UBE4B: variants seen among roughly 807,000 people sequenced by gnomAD.
UBE4B encodes the protein ubiquitination factor E4B.
UBE4B carries 27 observed loss-of-function variants against 148.1 expected under a neutral mutation model. The observed-to-expected ratio is 0.18, with a 90% CI of 0.13 to 0.25. UBE4B has a LOEUF of 0.25. Among genes scored for constraint, UBE4B ranks in the 10% least tolerant of loss-of-function variants. UBE4B has a pLI of 1.00. For missense variants in UBE4B, 1,170 were observed against 1,662.4 expected, an observed-to-expected ratio of 0.70 and a Z score of 5.15; for synonymous variants, 596 against 619.3, an observed-to-expected ratio of 0.96 and a Z score of 0.56.
At chr1:10,042,450 C>T (rs937417326) in intron 1 of UBE4B, among the ~76,000 whole-genome samples, 2 of 151,336 alleles carry the variant, frequency 1.3e-5, no homozygotes, top group African/African-American at 4.9e-5. Flanking sequence ...AGTTCGAGAC[C>T]AGCCTGACCA....
Position 10,171,191 on chromosome 1 carries a change from T to C in UBE4B, c.3387T>C (p.Cys1129=). ...AMLNFNLQQL[C]GPKCRDLKVE... Reference sequence around the variant, plus strand: ...TGAACTTTAATCTTCAGCAACTTTGTGGCCCCAAGTGCCGTGACCTGAAAG... The same window carrying C: ...TGAACTTTAATCTTCAGCAACTTTGCGGCCCCAAGTGCCGTGACCTGAAAG... The change falls in exon 25 of 28, where the codon TGT becomes TGC. Residue 1129 remains cysteine (C), a synonymous_variant. Transcript: ENST00000343090. 1 of 1,614,222 alleles carries C rather than the reference T, an allele frequency of 6.2e-7. No homozygotes were observed. The highest frequency in any genetic ancestry group is 2.2e-5 in the East Asian group (1 of 44,886).
intron 1 of UBE4B, among the ~76,000 whole-genome samples, chr1:10,054,932 T>C (rs1210472892): frequency 1.3e-5 from 2 of 151,840 alleles, no homozygotes; most frequent in Non-Finnish European, 2.9e-5. Flanking sequence ...ATTACAGGCA[T>C]GCACCACCAT....
At chr1:10,044,570 T>C (rs977640974) in intron 1 of UBE4B, among the ~76,000 whole-genome samples, 6 of 151,914 alleles carry the variant, frequency 3.9e-5, no homozygotes, top group South Asian at 2.1e-4. Context: ...CCTTCCTTCC[T>C]TCCCTCCCTC....
rs1643382159 is a variant in UBE4B, at chr1:10,033,543, A to G, written c.-128A>G. The G allele has an allele frequency of 2.5e-6, 3 of 1,193,138 alleles. No individual in the cohort carries two copies. Among genetic ancestry groups the G allele is most frequent in the Non-Finnish European group, 3.4e-6 (3 of 892,868 alleles). 73.9% of individuals were successfully genotyped at this position (1,193,138 alleles called of 1,614,324 possible). A position where few individuals can be genotyped will look rare whatever the true frequency, so the allele number is the denominator to read the frequency against. ...TTATTTTTTAACCTCTGACTATGCA[A>G]TTCTGAAACCTCCCCCATTCGGGGG... On this transcript the variant is annotated 5_prime_UTR_variant, in exon 1 of 28. Transcript: ENST00000343090.
Position 10,161,062 on chromosome 1 carries a change from G to A in UBE4B, c.3054-80G>A. On this transcript the variant is annotated intron_variant, in intron 22 of 27. Transcript: ENST00000343090. This position sits in a 1 kb window ranked among gnomAD's most constrained non-coding sequence, Gnocchi z 4.1. ...GTGAGATAGTTGCAGTCTGGGTGGA[G>A]GTGCTTGTTCCCTGGGATTTGCTGT... The A allele has an allele frequency of 3.3e-6, 5 of 1,528,196 alleles. No individual in the cohort carries two copies. The highest frequency in any genetic ancestry group is 4.5e-6 in the Non-Finnish European group (5 of 1,119,696). The allele number at this position is 1,528,196 out of a possible 1,614,324, so 94.7% of individuals were successfully genotyped here. A position where few individuals can be genotyped will look rare whatever the true frequency, so the allele number is the denominator to read the frequency against.
chr1:10,166,972 A>ACACACAC (rs1557612300), intron 23 of UBE4B, among the ~76,000 whole-genome samples: 6 of 120,262 alleles, frequency 5.0e-5, no homozygotes, highest in African/African-American at 2.0e-4. Context: ...CACACACACA[A>ACACACAC]AAAAAAAAAA....
rs556943542 is a variant in UBE4B at position 10,130,866 on chromosome 1, A to G, written c.1911+53A>G. The G allele has an allele frequency of 1.0e-4, 158 of 1,516,354 alleles. No individual in the cohort carries two copies. In the South Asian group the frequency reaches 1.7e-3, roughly 17 times the overall value. The allele number at this position is 1,516,354 out of a possible 1,614,324, so 93.9% of individuals were successfully genotyped here. A position where few individuals can be genotyped will look rare whatever the true frequency, so the allele number is the denominator to read the frequency against. ...GAAGTATCAAAGATGAGCTCCAGAT[A>G]CAGAGCTTTTATTTTGTAGACTGGA... is the stretch of plus-strand genomic sequence containing the variant. On this transcript the variant is annotated intron_variant, in intron 14 of 27. Transcript: ENST00000343090.
chr1:10,040,621 CTT>C (rs1185644090), intron 1 of UBE4B, among the ~76,000 whole-genome samples: 14 of 141,100 alleles, frequency 9.9e-5, no homozygotes, highest in Non-Finnish European at 9.4e-5. Context: ...CTTCTTTTTT[CTT>C]TTTTTTTTTT....
At chr1:10,158,334 T>C in intron 21 of UBE4B, 22 bp from the exon 22 acceptor site, 1 of 1,613,560 alleles carries the variant, frequency 6.2e-7, no homozygotes, top group Non-Finnish European at 8.5e-7. Flanking sequence ...TATCCCTCAG[T>C]ACCTTTGTCT....
At chr1:10,093,884 AG>A (rs1448714931) in intron 2 of UBE4B, among the ~76,000 whole-genome samples, 2 of 151,950 alleles carry the variant, frequency 1.3e-5, no homozygotes, top group Non-Finnish European at 2.9e-5. Context: ...AACTAGAAAC[AG>A]GGTTTCACCA....
intron 25 of UBE4B, among the ~76,000 whole-genome samples, chr1:10,173,495 TTA>T (rs1275354516): frequency 2.1e-5 from 3 of 141,884 alleles, no homozygotes; most frequent in Admixed American, 6.9e-5. Flanking sequence ...AAAAAAAAAA[TTA>T]TATATATATA....
intron 21 of UBE4B, 99 bp downstream of exon 21, chr1:10,151,660 C>T: frequency 9.9e-7 from 1 of 1,012,298 alleles, no homozygotes; most frequent in Non-Finnish European, 1.5e-6. Flanking sequence ...TACCTAATAT[C>T]CTGCTACCTG....
At chr1:10,129,258 A>G (rs955818890) in intron 11 of UBE4B, 134 bp from the exon 12 acceptor site, 1 of 603,450 alleles carries the variant, frequency 1.7e-6, no homozygotes, top group South Asian at 3.1e-5. Flanking sequence ...AGCTGCTGCC[A>G]TTTCAGAGGG....
intron 15 of UBE4B, among the ~76,000 whole-genome samples, chr1:10,134,309 G>A (rs147975184): frequency 0.017 from 2,620 of 152,054 alleles, 33 homozygotes; most frequent in Non-Finnish European, 0.027. Context: ...TCAGGAGTTC[G>A]AGACCAGCCT....
chr1:10,127,959 AAC>A (rs1340997152), intron 11 of UBE4B, among the ~76,000 whole-genome samples: 5 of 152,238 alleles, frequency 3.3e-5, no homozygotes, highest in Non-Finnish European at 7.3e-5. Flanking sequence ...TAGAAGGTGA[AAC>A]CAGAATTCCT....
At chr1:10,165,944 G>A (rs1646239464) in intron 23 of UBE4B, among the ~76,000 whole-genome samples, 1 of 152,150 alleles carries the variant, frequency 6.6e-6, no homozygotes, top group Non-Finnish European at 1.5e-5. Context: ...GTGCCCAAAG[G>A]CTGTAGAAGG....
At chr1:10,150,044 A>G (rs1645944336) in intron 20 of UBE4B, among the ~76,000 whole-genome samples, 1 of 152,256 alleles carries the variant, frequency 6.6e-6, no homozygotes, top group African/African-American at 2.4e-5. Flanking sequence ...TTTGTAACAA[A>G]CAACAGGAAA....
At position 10,101,498 on chromosome 1, in the gene UBE4B, C is replaced by CTT. The variant is rs34066776; in HGVS notation, c.435+330_435+331dup. Among the ~76,000 whole-genome samples the CTT allele has an allele frequency of 1.2e-3, 69 of 56,184 alleles. 4 individuals carry two copies. The highest frequency in any genetic ancestry group is 1.8e-3 in the South Asian group (3 of 1,634). 36.9% of individuals were successfully genotyped at this position (56,184 alleles called of 152,430 possible). A position where few individuals can be genotyped will look rare whatever the true frequency, so the allele number is the denominator to read the frequency against. On this transcript the variant is annotated intron_variant, in intron 4 of 27. Transcript: ENST00000343090. ...TAGAATTCTTTCTGTTGGTCTTTTG[C>CTT]TTTTTTTTTTTTTTTTTTTTTTTTT...
intron 3 of UBE4B, among the ~76,000 whole-genome samples, chr1:10,099,360 C>T (rs1423346314): frequency 3.3e-5 from 5 of 152,046 alleles, no homozygotes; most frequent in East Asian, 1.9e-4. Flanking sequence ...AGTTAGAAAA[C>T]GTAATTTTTA....
Sources: gnomAD v4.1 joint callset for allele counts (sites outside exome capture counted in the v4.1 genomes callset) on GRCh38, gnomAD v4.1.1 for gene constraint, Gnocchi (gnomAD v3.1) non-coding constraint, MANE v1.5 for transcripts, NCBI Gene and HGNC (gene_info 2026-07-23, HGNC 2026-07-21) for gene names.